Variants in DST observed in about 807,000 individuals in gnomAD.
The protein encoded by DST is dystonin, also known as bullous pemphigoid antigen.
In DST, 253 loss-of-function variants were observed where a neutral mutation model predicts 875.2. That is an observed-to-expected ratio of 0.29 (90% confidence interval 0.26 to 0.32). DST has a LOEUF of 0.32. Ranked by LOEUF, DST falls within the 10% of genes least tolerant of loss-of-function variation. The pLI, the probability that DST is intolerant of heterozygous loss-of-function variation, is 1.00. For missense variants in DST, 8,287 were observed against 9,111.6 expected, an observed-to-expected ratio of 0.91 and a Z score of 3.68; for synonymous variants, 3,124 against 3,197.1, an observed-to-expected ratio of 0.98 and a Z score of 0.77.
In DST at chr6:56,634,805, A is replaced by G. The variant is rs374149298; in HGVS notation, c.3335T>C (p.Ile1112Thr). 4 of 1,613,914 alleles carry G rather than the reference A, an allele frequency of 2.5e-6. No individual in the cohort carries two copies. Among genetic ancestry groups the G allele is most frequent in the African/African-American group, 1.3e-5 (1 of 74,916 alleles). Residue 1112 changes from isoleucine to threonine, a missense_variant, in exon 25 of 104, where the codon ATT becomes ACT. Ile to Thr is a moderately conservative substitution (Grantham distance 89). Around this residue, in one of 10 missense-constraint regions of DST, gnomAD observed 1,160 missense variants for 1,424.3 expected, o/e 0.81. Transcript: ENST00000680361. ...GTTTCTAGGAGTTACAAGTACCTCA[A>G]TTTGTCTGTAGTCACAGATAGCTTT... is the stretch of plus-strand genomic sequence containing the variant. ...PIKAICDYRQ[I>T]EITIYKDDEC...
rs550388737 is a variant in DST, at chr6:56,823,453, C to T, written c.625+27944G>A. On this transcript the variant is annotated intron_variant, in intron 4 of 103. Transcript: ENST00000680361. The stretch of plus-strand genomic sequence containing the variant: ...TTGAGACAGAGTCTCGCTCTATTGG[C>T]AGGCTGGAGTGCAGTGCCGCAATCT... Among the ~76,000 whole-genome samples, 115 of 152,226 alleles carry T rather than the reference C, an allele frequency of 7.6e-4. 1 individual carries two copies. The highest frequency in any genetic ancestry group is 1.5e-3 in the South Asian group (7 of 4,824).
intron 46 of DST, 38 bp from the exon 47 acceptor site, chr6:56,598,044 G>A (rs377291623): frequency 7.2e-6 from 11 of 1,520,474 alleles, no homozygotes; most frequent in Non-Finnish European, 9.7e-6. Flanking sequence ...TTCAGAACGT[G>A]GGCCAAGGCA....
chr6:56,511,467 T>C (rs2152477499), intron 72 of DST, 67 bp from the exon 73 acceptor site: 1 of 1,338,992 alleles, frequency 7.5e-7, no homozygotes, highest in Admixed American at 2.0e-5. Flanking sequence ...TGTCTACACC[T>C]GCAATGCATC....
intron 61 of DST, among the ~76,000 whole-genome samples, chr6:56,549,671 A>G (rs1481492659): frequency 6.6e-6 from 1 of 152,154 alleles, no homozygotes; most frequent in African/African-American, 2.4e-5. Context: ...ATCAGTTTCT[A>G]AGACTGTTTT....
chr6:56,756,703 G>T (rs935554520), intron 4 of DST, among the ~76,000 whole-genome samples: 3 of 152,152 alleles, frequency 2.0e-5, no homozygotes, highest in African/African-American at 7.2e-5. Context: ...AAAGATCAGA[G>T]GAGACTGTTC....
At chr6:56,655,063 A>G (rs555308736) in intron 10 of DST, among the ~76,000 whole-genome samples, 9 of 149,426 alleles carry the variant, frequency 6.0e-5, no homozygotes, top group Admixed American at 2.0e-4. Context: ...CGGGAGGGTG[A>G]GGCAGGAGAA....
At chr6:56,744,528 A>G (rs2099564796) in intron 4 of DST, among the ~76,000 whole-genome samples, 2 of 152,206 alleles carry the variant, frequency 1.3e-5, no homozygotes, top group South Asian at 2.1e-4. Flanking sequence ...CAGCTGTAAG[A>G]TTGTTGGTAT....
At chr6:56,771,797 A>T (rs999582789) in intron 4 of DST, among the ~76,000 whole-genome samples, 1 of 152,202 alleles carries the variant, frequency 6.6e-6, no homozygotes, top group African/African-American at 2.4e-5. Flanking sequence ...TTTTCTTCTA[A>T]ATGCACATAT....
At chr6:56,683,582 A>G (rs778084329) in intron 9 of DST, among the ~76,000 whole-genome samples, 9 of 152,216 alleles carry the variant, frequency 5.9e-5, no homozygotes, top group Non-Finnish European at 1.3e-4. Context: ...CATGGCACGT[A>G]TCAGGTGCTC....
chr6:56,719,906 A>T lies in DST; in HGVS notation c.687+15322T>A, dbSNP rs983716227. Among the ~76,000 whole-genome samples, 3 of 152,216 alleles carry T rather than the reference A, an allele frequency of 2.0e-5. No homozygotes were observed. The South Asian group carries it at 6.2e-4, about 31-fold the overall frequency. The stretch of plus-strand genomic sequence containing the variant: ...ACTTCACAAGGTAATAGAATATCAC[A>T]AGGCAAATGGAGGCAGGGCGAGATC... On this transcript the variant is annotated intron_variant, in intron 5 of 103. Coordinates refer to ENST00000680361, the MANE Select transcript of DST (RefSeq NM_001374736.1).
chr6:56,847,544 C>T (rs2099808459), intron 4 of DST, among the ~76,000 whole-genome samples: 1 of 152,178 alleles, frequency 6.6e-6, no homozygotes, highest in Non-Finnish European at 1.5e-5. Context: ...CCACACTTAG[C>T]AACACACTTT....
At chr6:56,538,826 G>A (rs1178351283) in intron 61 of DST, among the ~76,000 whole-genome samples, 3 of 151,952 alleles carry the variant, frequency 2.0e-5, no homozygotes, top group Admixed American at 6.6e-5. Flanking sequence ...AAATCATTGA[G>A]GAAAAACTTA....
chr6:56,506,840 A>C, intron 75 of DST, 51 bp from the exon 76 acceptor site: 1 of 1,559,904 alleles, frequency 6.4e-7, no homozygotes, highest in South Asian at 1.3e-5. Context: ...CCACATCAAA[A>C]CTTTAAAAAG....
At chr6:56,647,821 G>A (rs919668904) in intron 13 of DST, among the ~76,000 whole-genome samples, 1 of 151,984 alleles carries the variant, frequency 6.6e-6, no homozygotes, top group African/African-American at 2.4e-5. Context: ...GAGTAACTGG[G>A]ATTACAAGTG....
At chr6:56,470,581 T>G (rs975299755) in intron 95 of DST, among the ~76,000 whole-genome samples, 1 of 152,134 alleles carries the variant, frequency 6.6e-6, no homozygotes, top group Non-Finnish European at 1.5e-5. Flanking sequence ...ATATGAAATT[T>G]ACCTTAAGAA....
At chr6:56,786,021 G>C (rs1030097823) in intron 4 of DST, 6 of 152,130 alleles carry the variant, frequency 3.9e-5, no homozygotes, top group African/African-American at 1.2e-4. Context: ...TTGTATTATA[G>C]TTAACTCTCT....
chr6:56,720,438 A>G (rs769625023), intron 5 of DST, among the ~76,000 whole-genome samples: 2 of 150,476 alleles, frequency 1.3e-5, no homozygotes, highest in Non-Finnish European at 2.9e-5. Flanking sequence ...AATAGTGGAG[A>G]GAACGTCAGC....
rs768854693 is a variant in DST, at chr6:56,624,599, G to T, written c.4860C>A (p.Ala1620=). Residue 1620 remains alanine, a synonymous_variant, in exon 36 of 104, where the codon GCC becomes GCA. Transcript: ENST00000680361. ...TATATTGTGTCATGAGAGTGACCAG[G>T]GCAGTATATCGAGTCCTTAGGTCCA... ...EFMDLRTRYT[A]LVTLMTQYIK... is the part of the protein sequence containing the mutation. 3.1e-6 allele frequency: 5 copies of T among 1,613,018 alleles called. No individual in the cohort carries two copies. The South Asian group carries it at 5.5e-5, about 18-fold the overall frequency.
intron 36 of DST, chr6:56,616,621 T>C: frequency 6.2e-7 from 1 of 1,614,190 alleles, no homozygotes; most frequent in East Asian, 2.2e-5. Flanking sequence ...ATGGCTCATG[T>C]AAAAACTGTA....
Sources: gnomAD v4.1 joint callset for allele counts (sites outside exome capture counted in the v4.1 genomes callset) on GRCh38, gnomAD v4.1.1 for gene constraint, gnomAD v4.1.1 regional missense constraint, MANE v1.5 for transcripts, NCBI Gene and HGNC (gene_info 2026-07-23, HGNC 2026-07-21) for gene names.